The following GRM8 variants were observed in gnomAD, a reference collection of about 807,000 sequenced individuals.
GRM8 encodes glutamate metabotropic receptor 8.
GRM8 carries 47 observed loss-of-function variants against 87.2 expected under a neutral mutation model. The observed-to-expected ratio is 0.54, with a 90% CI of 0.43 to 0.69. The LOEUF is 0.69. GRM8 is among the 30% of genes least tolerant of loss of function. GRM8 has a pLI of 0.00. For synonymous variants in GRM8, 396 were observed against 404.5 expected (o/e 0.98, Z 0.25); for missense variants, 1,019 against 1,139.2 (o/e 0.89, Z 1.52).
intron 6 of GRM8, among the ~76,000 whole-genome samples, chr7:126,882,699 G>A (rs1800133118): frequency 6.6e-6 from 1 of 152,052 alleles, no homozygotes; most frequent in Non-Finnish European, 1.5e-5. Context: ...TACACCAAAT[G>A]TTTCATCCTC....
chr7:126,452,784 A>G (rs745727665), intron 9 of GRM8, among the ~76,000 whole-genome samples: 2 of 151,706 alleles, frequency 1.3e-5, no homozygotes, highest in African/African-American at 2.4e-5. Flanking sequence ...GGAATAGGAG[A>G]GCTCTGGGAT....
At chr7:126,741,176 T>C (rs1269641128) in intron 7 of GRM8, among the ~76,000 whole-genome samples, 3 of 151,886 alleles carry the variant, frequency 2.0e-5, no homozygotes, top group African/African-American at 7.3e-5. Context: ...TTTTAGAAAA[T>C]AGATTACTGG....
intron 2 of GRM8, among the ~76,000 whole-genome samples, chr7:127,211,215 A>G (rs1796194426): frequency 6.6e-6 from 1 of 152,206 alleles, no homozygotes. Context: ...CCTCAAAAGT[A>G]GGGAAGCTGA....
rs73224939 is a variant in GRM8 at position 126,528,788 on chromosome 7, C to T, written c.2430+4164G>A. Among the ~76,000 whole-genome samples the T allele has an allele frequency of 4.5e-3, 681 of 152,038 alleles. 10 individuals carry two copies. Among genetic ancestry groups the T allele is most frequent in the Middle Eastern group, 0.02 (6 of 294 alleles). On this transcript the variant is annotated intron_variant, in intron 9 of 10. Transcript: ENST00000339582. ...TGCTTTGTATTGGAATTTGTATTGTCCAGGGGGAACTCATTACCACCTATA... is the reference window on the plus strand; with the variant it reads ...TGCTTTGTATTGGAATTTGTATTGTTCAGGGGGAACTCATTACCACCTATA...
intron 9 of GRM8, among the ~76,000 whole-genome samples, chr7:126,477,759 C>A (rs923184454): frequency 2.0e-5 from 3 of 151,972 alleles, no homozygotes; most frequent in African/African-American, 7.2e-5. Flanking sequence ...ATTTTAAAAA[C>A]TTTTCTACCA....
intron 2 of GRM8, among the ~76,000 whole-genome samples, chr7:127,108,729 T>C (rs1017666187): frequency 5.9e-5 from 9 of 152,160 alleles, no homozygotes; most frequent in Non-Finnish European, 1.0e-4. Context: ...CAGCCTCATG[T>C]TTAGGATTAA....
intron 8 of GRM8, among the ~76,000 whole-genome samples, chr7:126,569,068 T>C (rs1487632886): frequency 6.6e-6 from 1 of 152,172 alleles, no homozygotes; most frequent in African/African-American, 2.4e-5. Context: ...CTTTTCAAAA[T>C]TCCACTCTAT....
intron 8 of GRM8, among the ~76,000 whole-genome samples, chr7:126,542,313 G>A (rs75572942): frequency 0.021 from 3,263 of 152,296 alleles, 102 homozygotes; most frequent in African/African-American, 0.073. Context: ...ATTTTTACTA[G>A]GGACTGTACA....
intron 8 of GRM8, among the ~76,000 whole-genome samples, chr7:126,608,138 C>T (rs374121534): frequency 1.3e-5 from 2 of 152,090 alleles, no homozygotes; most frequent in East Asian, 3.9e-4. Context: ...TTGCCCTCCC[C>T]ACCCCAGCAT....
At chr7:126,477,808 C>T (rs1806173483) in intron 9 of GRM8, among the ~76,000 whole-genome samples, 1 of 152,102 alleles carries the variant, frequency 6.6e-6, no homozygotes, top group South Asian at 2.1e-4. Context: ...TTTCCTGTGG[C>T]TGTTCTAACA....
chr7:126,507,138 A>C (rs896821077), intron 9 of GRM8, among the ~76,000 whole-genome samples: 1 of 152,074 alleles, frequency 6.6e-6, no homozygotes, highest in Non-Finnish European at 1.5e-5. Flanking sequence ...GAGGCTCTCA[A>C]TGAAGCCTTC....
intron 8 of GRM8, among the ~76,000 whole-genome samples, chr7:126,567,490 T>A (rs979858424): frequency 5.3e-5 from 8 of 152,126 alleles, no homozygotes; most frequent in Middle Eastern, 3.2e-3. Context: ...CACACAAACA[T>A]GGCACATGCA....
At chr7:127,076,281 T>C (rs1286247693) in intron 3 of GRM8, 2 of 449,528 alleles carry the variant, frequency 4.4e-6, no homozygotes, top group Non-Finnish European at 8.9e-6. Flanking sequence ...CTTTTAATGC[T>C]GTAATATACA....
At chr7:126,662,052 T>C (rs992083528) in intron 7 of GRM8, among the ~76,000 whole-genome samples, 2 of 152,224 alleles carry the variant, frequency 1.3e-5, no homozygotes, top group East Asian at 3.8e-4. Context: ...TTTAATTTTA[T>C]AATAAATACC....
At chr7:126,951,124 T>TAC (rs1808095657) in intron 3 of GRM8, among the ~76,000 whole-genome samples, 1 of 151,696 alleles carries the variant, frequency 6.6e-6, no homozygotes, top group Non-Finnish European at 1.5e-5. Context: ...TTCCAGGATG[T>TAC]ACTGTTAAGG....
intron 8 of GRM8, among the ~76,000 whole-genome samples, chr7:126,591,951 G>T (rs1172353963): frequency 6.6e-6 from 1 of 151,676 alleles, no homozygotes; most frequent in Non-Finnish European, 1.5e-5. Context: ...AAACACAAAA[G>T]ATTGTGAGGG....
At position 126,545,681 on chromosome 7, in the gene GRM8, AATCT is replaced by A. The variant is rs768499013; in HGVS notation, c.1495-11798_1495-11795del. Among the ~76,000 whole-genome samples, 57 of 152,294 alleles carry A rather than the reference AATCT, an allele frequency of 3.7e-4. 1 individual carries two copies. Among genetic ancestry groups the A allele is most frequent in the Admixed American group, 1.0e-3 (16 of 15,288 alleles). On this transcript the variant is annotated intron_variant, in intron 8 of 10. Transcript: ENST00000339582. ...ATGTTATACATAAATAATTACATTG[AATCT>A]ATATGGTCAGTACTTTATAATAACT...
intron 2 of GRM8, among the ~76,000 whole-genome samples, chr7:127,112,903 A>C (rs376537475): frequency 6.6e-6 from 1 of 152,216 alleles, no homozygotes; most frequent in Non-Finnish European, 1.5e-5. Context: ...TTTCTAATCA[A>C]AGGTCAACAT....
chr7:126,525,138 T>G (rs187470452), intron 9 of GRM8, among the ~76,000 whole-genome samples: 1 of 152,320 alleles, frequency 6.6e-6, no homozygotes, highest in African/African-American at 2.4e-5. Context: ...TTTCTTTGTT[T>G]GAGAGGGCTG....
Sources: gnomAD v4.1 joint callset for allele counts (sites outside exome capture counted in the v4.1 genomes callset) on GRCh38, gnomAD v4.1.1 for gene constraint, MANE v1.5 for transcripts, NCBI Gene and HGNC (gene_info 2026-07-23, HGNC 2026-07-21) for gene names.